HNRNPF: variants seen among roughly 807,000 people sequenced by gnomAD.
The protein encoded by HNRNPF is heterogeneous nuclear ribonucleoprotein F, also known as HnRNP F protein.
A neutral mutation model predicts 26.0 loss-of-function variants in HNRNPF; 2 were observed. The ratio of observed to expected loss-of-function variants is 0.08; its 90% CI spans 0.03 to 0.24. The LOEUF (loss-of-function observed/expected upper bound fraction) is 0.24. HNRNPF is among the 10% of genes least tolerant of loss of function. The pLI is 1.00. For synonymous variants in HNRNPF, 234 were observed against 211.5 expected (o/e 1.11, Z -0.92); for missense variants, 299 against 539.2 (o/e 0.55, Z 4.41).
At chr10:43,399,178 C>G (rs1171758020) in intron 1 of HNRNPF, among the ~76,000 whole-genome samples, 1 of 152,122 alleles carries the variant, frequency 6.6e-6, no homozygotes, top group Non-Finnish European at 1.5e-5. Flanking sequence ...CTCCTGGGCT[C>G]AAATGATCCT....
intron 3 of HNRNPF, among the ~76,000 whole-genome samples, chr10:43,390,918 C>G (rs1838219099): frequency 6.6e-6 from 1 of 152,078 alleles, no homozygotes; most frequent in African/African-American, 2.4e-5. Flanking sequence ...CCAGTAGCAC[C>G]CTCCACCTCC....
intron 1 of HNRNPF, among the ~76,000 whole-genome samples, chr10:43,401,327 G>A (rs549617700): frequency 6.6e-6 from 1 of 152,258 alleles, no homozygotes; most frequent in South Asian, 2.1e-4. Context: ...AAAGCATCAA[G>A]AGTAGTATAA....
rs140442539 is a variant in HNRNPF at position 43,387,189 on chromosome 10, C to T, written c.696G>A (p.Arg232=). 376 of 1,614,096 alleles carry T rather than the reference C, an allele frequency of 2.3e-4. No homozygotes were observed. The highest frequency in any genetic ancestry group is 3.1e-4 in the Non-Finnish European group (361 of 1,180,058). The change falls in exon 4 of 4, where the codon AGG becomes AGA. Residue 232 remains arginine (R), a synonymous_variant. Transcript: ENST00000682386. The surrounding 1 kb of genome is among the most constrained non-coding windows in gnomAD (Gnocchi z 6.0). ...CGTAGCCTGTGCTGTAGGCACCAGG[C>T]CTCATCCTTTCCAGGCCTGCCTGCT... ...IVKQAGLERM[R]PGAYSTGYGG...
intron 1 of HNRNPF, chr10:43,396,952 C>G (rs1226228584): frequency 7.0e-6 from 1 of 143,518 alleles, no homozygotes; most frequent in Non-Finnish European, 1.5e-5. Flanking sequence ...GCCCTGAGGG[C>G]GAGAGCGAGG....
intron 1 of HNRNPF, among the ~76,000 whole-genome samples, chr10:43,400,015 G>C (rs1838703387): frequency 6.6e-6 from 1 of 152,168 alleles, no homozygotes; most frequent in Non-Finnish European, 1.5e-5. Flanking sequence ...GTAGAAAGAA[G>C]GGAAATTCTT....
intron 1 of HNRNPF, chr10:43,407,906 C>T (rs1383599451): frequency 6.6e-6 from 1 of 152,140 alleles, no homozygotes; most frequent in African/African-American, 2.4e-5. Context: ...GCGCGGCTTT[C>T]ATTTTACTCA....
intron 1 of HNRNPF, among the ~76,000 whole-genome samples, chr10:43,399,692 C>T (rs1197287734): frequency 2.0e-5 from 3 of 152,138 alleles, no homozygotes; most frequent in Admixed American, 6.5e-5. Context: ...TCTAGGAAGA[C>T]TGGTGGGAGA....
intron 3 of HNRNPF, among the ~76,000 whole-genome samples, chr10:43,394,306 AGT>A (rs1838372933): frequency 6.6e-6 from 1 of 152,268 alleles, no homozygotes; most frequent in African/African-American, 2.4e-5. Context: ...ACATGTCATA[AGT>A]GTTTTGCATC....
At position 43,386,986 on chromosome 10, in the gene HNRNPF, G is replaced by A. The variant is rs756589564; in HGVS notation, c.899C>T (p.Ala300Val). 4 of 1,614,062 alleles carry A rather than the reference G, an allele frequency of 2.5e-6. No homozygotes were observed. In the Admixed American group the frequency reaches 5.0e-5, roughly 20 times the overall value. The stretch of plus-strand genomic sequence containing the variant: ...GAAGTTGTAAATGTCGTTCTCGGTC[G>A]CTTTGTACGGCAGGCCCCTCATGTG... ...CVHMRGLPYKATENDIYNFFS... is the reference protein window; with the variant it reads ...CVHMRGLPYKVTENDIYNFFS... The change falls in exon 4 of 4, where the codon GCG (alanine) becomes GTG (valine). Residue 300 changes from alanine to valine, a missense_variant. This residue lies in a region of HNRNPF where 36 missense variants were observed against 93.8 expected (regional missense o/e 0.38). Coordinates refer to ENST00000682386, the MANE Select transcript of HNRNPF (RefSeq NM_001098204.2).
chr10:43,388,080 C>T, intron 3 of HNRNPF, 144 bp from the exon 4 acceptor site: 1 of 556,870 alleles, frequency 1.8e-6, no homozygotes, highest in Non-Finnish European at 3.2e-6. Flanking sequence ...CAAAAAATTA[C>T]ATTATCAGTC....
At chr10:43,401,118 T>C (rs151133934) in intron 1 of HNRNPF, among the ~76,000 whole-genome samples, 2 of 151,830 alleles carry the variant, frequency 1.3e-5, no homozygotes, top group Non-Finnish European at 2.9e-5. Flanking sequence ...AGATGGAGCA[T>C]ATATTAACAT....
chr10:43,392,734 G>T (rs1838303244), intron 3 of HNRNPF, among the ~76,000 whole-genome samples: 3 of 152,076 alleles, frequency 2.0e-5, no homozygotes, highest in African/African-American at 7.2e-5. Flanking sequence ...ACCATTAACT[G>T]TAGGGAATCA....
chr10:43,408,465 A>G (rs1839001057), intron 1 of HNRNPF, among the ~76,000 whole-genome samples: 2 of 152,034 alleles, frequency 1.3e-5, no homozygotes, highest in South Asian at 4.1e-4. Context: ...ACGGCCCCTC[A>G]TTATGTGCAG....
rs538220604 is a variant in HNRNPF, at chr10:43,391,626, A to G, written c.-53+3004T>C. Reference sequence around the variant, plus strand: ...CTCTCACCTCCTCTCCAGCTGGTTGACATTACTCTTGGAAGTGGACTTTGT... The same window carrying G: ...CTCTCACCTCCTCTCCAGCTGGTTGGCATTACTCTTGGAAGTGGACTTTGT... On this transcript the variant is annotated intron_variant, in intron 3 of 3. Coordinates refer to ENST00000682386, the MANE Select transcript of HNRNPF (RefSeq NM_001098204.2). Among the ~76,000 whole-genome samples the G allele has an allele frequency of 2.0e-3, 303 of 152,134 alleles. 1 individual carries two copies. Among genetic ancestry groups the G allele is most frequent in the African/African-American group, 7.1e-3 (294 of 41,468 alleles).
chr10:43,392,161 T>C (rs1364280499), intron 3 of HNRNPF, among the ~76,000 whole-genome samples: 2 of 152,192 alleles, frequency 1.3e-5, no homozygotes, highest in Admixed American at 6.5e-5. Context: ...CCCAGCACTT[T>C]GGGTGGCCAA....
intron 2 of HNRNPF, 99 bp downstream of exon 2, chr10:43,396,357 G>A (rs1373500491): frequency 1.3e-5 from 2 of 151,570 alleles, no homozygotes; most frequent in African/African-American, 2.4e-5. Flanking sequence ...AGGAGGCTGG[G>A]AGCGCGTCTG....
intron 1 of HNRNPF, among the ~76,000 whole-genome samples, chr10:43,407,284 C>G (rs917033043): frequency 1.3e-5 from 2 of 151,632 alleles, no homozygotes; most frequent in Non-Finnish European, 2.9e-5. Flanking sequence ...CCTCGCGTCC[C>G]GCCACGCAGA....
At chr10:43,396,923 CCCCTGGCGGGCTTCCGGGG>C (rs1838558401) in intron 1 of HNRNPF, 1 of 140,976 alleles carries the variant, frequency 7.1e-6, no homozygotes, top group Non-Finnish European at 1.6e-5. Flanking sequence ...GGGGAGGGGG[CCCCTGGCGGGCTTCCGGGG>C]CCCTGAGGGC....
chr10:43,390,841 T>C (rs1838216290), intron 3 of HNRNPF, among the ~76,000 whole-genome samples: 2 of 152,220 alleles, frequency 1.3e-5, no homozygotes, highest in South Asian at 4.1e-4. Flanking sequence ...CAGTTCTTTG[T>C]GTTGTGGAGG....
Sources: allele counts gnomAD v4.1 joint callset (sites outside exome capture counted in the v4.1 genomes callset), GRCh38; gene constraint gnomAD v4.1.1; regional missense constraint gnomAD v4.1.1; non-coding constraint Gnocchi (gnomAD v3.1); transcripts MANE v1.5; gene names NCBI Gene and HGNC (gene_info 2026-07-23, HGNC 2026-07-21).